The following NBPF20 variants were observed in gnomAD, a reference collection of about 807,000 sequenced individuals.
NBPF20 encodes NBPF member 20, also known as NBPF family member NBPF20.
Under a neutral mutation model 68.1 loss-of-function variants are expected in NBPF20, and 90 were observed. The observed-to-expected ratio is 1.32, with a 90% CI of 1.11 to 1.58. The LOEUF is 1.58. NBPF20 is among the 40% of genes most tolerant of loss of function. The pLI, the probability that NBPF20 is intolerant of heterozygous loss-of-function variation, is 0.00. For synonymous variants in NBPF20, 290 were observed against 228.1 expected, an observed-to-expected ratio of 1.27 and a Z score of -2.45; for missense variants, 816 against 601.2, an observed-to-expected ratio of 1.36 and a Z score of -3.74.
At chr1:145,407,440 T>C (rs1173126495), upstream of NBPF20, among the ~76,000 whole-genome samples, 18 of 146,884 alleles carry the variant, frequency 1.2e-4, no homozygotes, top group African/African-American at 4.5e-4. Context: ...TATACATGTA[T>C]ACATGTATAT....
chr1:145,291,305 G>A (rs1398642269), exon 138 of NBPF20: 3 of 695,188 alleles, frequency 4.3e-6, no homozygotes, highest in Admixed American at 2.9e-5. Context: ...CTCCCGGCAT[G>A]TGCTGCACAG....
chr1:145,402,453 T>A, intron 3 of NBPF20, 72 bp from the exon 9 acceptor site: 4 of 1,554,844 alleles, frequency 2.6e-6, no homozygotes, highest in Non-Finnish European at 3.5e-6. Context: ...GCAACAGAGA[T>A]TTCTGAGATA....
the NBPF20 span, among the ~76,000 whole-genome samples, chr1:145,414,992 C>A: frequency 6.6e-6 from 1 of 152,080 alleles, no homozygotes; most frequent in Non-Finnish European, 1.5e-5. Context: ...CCCAGGGGAC[C>A]GGCGTTCAGC....
At chr1:145,393,752 G>C (rs1662063645) in intron 9 of NBPF20, 132 bp downstream of exon 14, 1 of 1,511,934 alleles carries the variant, frequency 6.6e-7, no homozygotes, top group African/African-American at 1.4e-5. Context: ...GAACCAGAAA[G>C]CAATGTAGTA....
At chr1:145,291,450 G>C (rs782441889) in exon 138 of NBPF20, 41 of 1,611,616 alleles carry the variant, frequency 2.5e-5, no homozygotes, top group South Asian at 3.3e-5. Context: ...AAATGGAACT[G>C]TACTTTCATT....
intron 7 of NBPF20, among the ~76,000 whole-genome samples, chr1:145,398,232 T>G (rs1470581617): frequency 6.6e-6 from 1 of 151,744 alleles, no homozygotes; most frequent in African/African-American, 2.4e-5. Context: ...CAAGCAGACC[T>G]AAAAGACATC....
intron 112 of NBPF20, among the ~76,000 whole-genome samples, chr1:145,311,882 G>C (rs1180114589): frequency 1.8e-5 from 2 of 112,550 alleles, no homozygotes; most frequent in Admixed American, 8.4e-5. Flanking sequence ...TGAAATTAGA[G>C]TGAAGGATGA....
At chr1:145,400,271 G>T (rs1464780726) in intron 6 of NBPF20, 118 bp downstream of exon 11, 29 of 1,588,184 alleles carry the variant, frequency 1.8e-5, no homozygotes, top group Non-Finnish European at 2.4e-5. Context: ...CCTGATATCT[G>T]TTTAGAAACC....
the NBPF20 span, among the ~76,000 whole-genome samples, chr1:145,422,235 C>T: frequency 0.018 from 2,612 of 141,668 alleles, 126 homozygotes; most frequent in East Asian, 0.26. Flanking sequence ...ATTGTAAAAA[C>T]TGTAAAAAGA....
At position 145,394,928 on chromosome 1, in the gene NBPF20, T is replaced by C; in HGVS notation, c.991+50A>G. 6 of 1,610,704 alleles carry C rather than the reference T, an allele frequency of 3.7e-6. No homozygotes were observed. The South Asian group carries it at 4.4e-5, about 12-fold the overall frequency. ...CACAAGGCCCAAAGATTATGGGGTC[T>C]ACCTGGGCCATGAACTGGAGCTTTA... On this transcript the variant is annotated intron_variant, in intron 8 of 137. Coordinates refer to ENST00000369373, the Ensembl canonical transcript of NBPF20.
intron 112 of NBPF20, among the ~76,000 whole-genome samples, chr1:145,311,989 A>G (rs1661498410): frequency 1.3e-5 from 1 of 75,918 alleles, no homozygotes; most frequent in Admixed American, 1.4e-4. Flanking sequence ...TTAGGGCGCC[A>G]CAGGCATGGC....
intron 7 of NBPF20, among the ~76,000 whole-genome samples, chr1:145,397,978 G>C (rs1255754923): frequency 6.6e-6 from 1 of 152,112 alleles, no homozygotes; most frequent in Non-Finnish European, 1.5e-5. Flanking sequence ...AAGATCAAAA[G>C]AGACAAAGAA....
upstream of NBPF20, among the ~76,000 whole-genome samples, chr1:145,407,071 A>T (rs1324673250): frequency 1.6e-5 from 2 of 125,042 alleles, no homozygotes; most frequent in Non-Finnish European, 3.3e-5. Flanking sequence ...AGAGTGGTTA[A>T]TATTAACTTT....
chr1:145,394,313 T>G (rs1163487997), intron 8 of NBPF20, among the ~76,000 whole-genome samples: 3 of 151,664 alleles, frequency 2.0e-5, no homozygotes, highest in Non-Finnish European at 4.4e-5. Flanking sequence ...TATGAGATTG[T>G]GGACACAGAG....
chr1:145,419,420 C>G, the NBPF20 span, among the ~76,000 whole-genome samples: 5 of 152,290 alleles, frequency 3.3e-5, no homozygotes, highest in South Asian at 6.2e-4. Context: ...CTCTGAAACA[C>G]ATAATTCCTC....
chr1:145,292,819 T>C (rs1167079474), intron 136 of NBPF20, among the ~76,000 whole-genome samples: 1 of 73,440 alleles, frequency 1.4e-5, no homozygotes, highest in Admixed American at 1.6e-4. Flanking sequence ...CTGCAATATT[T>C]AGCCCTGTCT....
At chr1:145,403,106 T>A in intron 3 of NBPF20, 110 bp downstream of exon 8, 2 of 1,205,178 alleles carry the variant, frequency 1.7e-6, no homozygotes, top group Non-Finnish European at 2.5e-6. Flanking sequence ...GCCATGGCAA[T>A]TCCTGCCCTT....
intron 112 of NBPF20, among the ~76,000 whole-genome samples, chr1:145,311,884 G>A (rs1274755327): frequency 3.6e-5 from 4 of 112,562 alleles, no homozygotes; most frequent in African/African-American, 8.5e-5. Context: ...AAATTAGAGT[G>A]AAGGATGAAA....
chr1:145,408,777 G>A (rs587661309), upstream of NBPF20, among the ~76,000 whole-genome samples: 34 of 151,856 alleles, frequency 2.2e-4, no homozygotes, highest in South Asian at 3.8e-3. Flanking sequence ...TTGCTTTTAG[G>A]GGCCTCGTAC....
Sources: gnomAD v4.1 joint callset for allele counts (sites outside exome capture counted in the v4.1 genomes callset) on GRCh38, gnomAD v4.1.1 for gene constraint, MANE v1.5 for transcripts, NCBI Gene and HGNC (gene_info 2026-07-23, HGNC 2026-07-21) for gene names.